Variants in DIPK1A observed in about 807,000 individuals in gnomAD.
DIPK1A encodes divergent protein kinase domain 1A, also known as family with sequence similarity 69 member A.
A neutral mutation model predicts 40.8 loss-of-function variants in DIPK1A; 27 were observed. The observed-to-expected ratio is 0.66, with a 90% CI of 0.49 to 0.91. The LOEUF (loss-of-function observed/expected upper bound fraction) is 0.91. DIPK1A is among the 40% of genes least tolerant of loss of function. The pLI is 0.00. For missense variants in DIPK1A, 412 were observed against 505.7 expected (o/e 0.81, Z 1.78); for synonymous variants, 166 against 171.3 (o/e 0.97, Z 0.24).
At chr1:92,951,191 A>C (rs1479980173) in intron 1 of DIPK1A, among the ~76,000 whole-genome samples, 1 of 152,182 alleles carries the variant, frequency 6.6e-6, no homozygotes, top group Non-Finnish European at 1.5e-5. Flanking sequence ...CAGAGGAGTT[A>C]GTAAGATGAG....
intron 1 of DIPK1A, among the ~76,000 whole-genome samples, chr1:92,960,377 T>C (rs1414454823): frequency 6.6e-6 from 1 of 152,194 alleles, no homozygotes; most frequent in Non-Finnish European, 1.5e-5. Flanking sequence ...CCAAATCATC[T>C]ACCTCTTGGC....
chr1:92,928,422 G>C (rs1650605413), intron 1 of DIPK1A, among the ~76,000 whole-genome samples: 1 of 152,138 alleles, frequency 6.6e-6, no homozygotes, highest in Non-Finnish European at 1.5e-5. Context: ...AAGAAATTAA[G>C]AAAATAATCT....
At chr1:92,853,503 A>G (rs941058579) in intron 2 of DIPK1A, among the ~76,000 whole-genome samples, 7 of 152,208 alleles carry the variant, frequency 4.6e-5, no homozygotes, top group Non-Finnish European at 8.8e-5. Context: ...ACAGTGGTGC[A>G]ATGCCAGCGG....
intron 1 of DIPK1A, among the ~76,000 whole-genome samples, chr1:92,895,788 TAA>T (rs1649136308): frequency 6.6e-6 from 1 of 152,112 alleles, no homozygotes; most frequent in Non-Finnish European, 1.5e-5. Flanking sequence ...CTTAAGCTGA[TAA>T]GCAACTTCAG....
intron 1 of DIPK1A, among the ~76,000 whole-genome samples, chr1:92,948,817 C>T (rs940045646): frequency 6.8e-6 from 1 of 147,230 alleles, no homozygotes; most frequent in African/African-American, 2.5e-5. Context: ...ATATTTTTCC[C>T]CCCTGAGGTG....
At chr1:92,860,627 TAAAAAAAA>T (rs796274250) in intron 2 of DIPK1A, among the ~76,000 whole-genome samples, 1 of 11,068 alleles carries the variant, frequency 9.0e-5, no homozygotes, top group African/African-American at 2.2e-4. Flanking sequence ...CAATTTCTAC[TAAAAAAAA>T]AAAAAAAAAA....
At chr1:92,906,544 A>AAT (rs1479155655) in intron 1 of DIPK1A, among the ~76,000 whole-genome samples, 2 of 152,156 alleles carry the variant, frequency 1.3e-5, no homozygotes, top group African/African-American at 4.8e-5. Flanking sequence ...TCATGGACAA[A>AAT]ATATATATTT....
intron 1 of DIPK1A, among the ~76,000 whole-genome samples, chr1:92,938,188 G>A (rs1460225893): frequency 1.3e-5 from 2 of 152,046 alleles, no homozygotes; most frequent in Non-Finnish European, 2.9e-5. Context: ...AGAAGAATTA[G>A]CCAGGCATGG....
rs190123474 is a variant in DIPK1A at position 92,946,637 on chromosome 1, C to T, written c.54+14739G>A. ...ACCAAGTTAGCAAATATTAACTAAA[C>T]TTGATAAATCAAGAAACAGAGGTAG... On this transcript the variant is annotated intron_variant, in intron 1 of 4. Coordinates refer to ENST00000370310, the MANE Select transcript of DIPK1A (RefSeq NM_001006605.5). Among the ~76,000 whole-genome samples the T allele has an allele frequency of 3.9e-5, 6 of 152,270 alleles. No individual in the cohort carries two copies. In the East Asian group the frequency reaches 9.7e-4, roughly 25 times the overall value.
At chr1:92,908,544 G>C (rs775989436) in intron 1 of DIPK1A, among the ~76,000 whole-genome samples, 4 of 152,192 alleles carry the variant, frequency 2.6e-5, no homozygotes, top group Non-Finnish European at 5.9e-5. Flanking sequence ...AACTTCATGG[G>C]AGAGAAGCCA....
At position 92,843,918 on chromosome 1, in the gene DIPK1A, G is replaced by A; in HGVS notation, c.752C>T (p.Ser251Phe). 3 of 1,551,718 alleles carry A rather than the reference G, an allele frequency of 1.9e-6. No homozygotes were observed. The highest frequency in any genetic ancestry group is 2.0e-5 in the Admixed American group (1 of 50,990). The change falls in exon 5 of 5, where the codon TCT becomes TTT. Residue 251 changes from serine (S) to phenylalanine (F), a missense_variant. Coordinates refer to ENST00000370310, the MANE Select transcript of DIPK1A (RefSeq NM_001006605.5). Reference protein sequence around the residue: ...LPWVIELFIPSGFRRSMDQLF... With the variant: ...LPWVIELFIPFGFRRSMDQLF... ...CTGATCCATGCTTCTTCTGAACCCAGATGGAATAAAAAGTTCAATGACCCA... is the reference window on the plus strand; with the variant it reads ...CTGATCCATGCTTCTTCTGAACCCAAATGGAATAAAAAGTTCAATGACCCA...
chr1:92,836,615 C>T (rs1226391058), intron 4 of DIPK1A: 13 of 551,184 alleles, frequency 2.4e-5, no homozygotes, highest in Non-Finnish European at 3.9e-5. Flanking sequence ...TTTTTCGGGC[C>T]AGTTATTGAA....
At chr1:92,850,352 C>T (rs760866245) in intron 3 of DIPK1A, among the ~76,000 whole-genome samples, 9 of 147,708 alleles carry the variant, frequency 6.1e-5, no homozygotes, top group Admixed American at 1.4e-4. Flanking sequence ...CAAAACAAAA[C>T]AGTGTCTGGA....
At chr1:92,857,326 T>G (rs1016861889) in intron 2 of DIPK1A, among the ~76,000 whole-genome samples, 16 of 151,924 alleles carry the variant, frequency 1.1e-4, no homozygotes, top group Admixed American at 6.6e-4. Context: ...TATTGTTTTT[T>G]TTTTTTTTTT....
At chr1:92,870,519 C>T (rs1292023458) in intron 2 of DIPK1A, among the ~76,000 whole-genome samples, 1 of 152,222 alleles carries the variant, frequency 6.6e-6, no homozygotes, top group East Asian at 1.9e-4. Flanking sequence ...AGCCACTGCG[C>T]CCAGCCTGGA....
intron 1 of DIPK1A, among the ~76,000 whole-genome samples, chr1:92,919,285 T>C (rs1277110619): frequency 2.0e-5 from 3 of 152,158 alleles, no homozygotes; most frequent in South Asian, 2.1e-4. Flanking sequence ...CACCCAAACA[T>C]AAAAGAAATA....
intron 1 of DIPK1A, among the ~76,000 whole-genome samples, chr1:92,925,421 G>A (rs541027499): frequency 3.3e-5 from 5 of 152,260 alleles, no homozygotes; most frequent in Non-Finnish European, 5.9e-5. Flanking sequence ...AGTTTTCTTT[G>A]TAGGAATGTT....
At chr1:92,833,706 TTG>T (rs762712969) in intron 4 of DIPK1A, 107 of 1,497,146 alleles carry the variant, frequency 7.1e-5, no homozygotes, top group Admixed American at 5.0e-5. Flanking sequence ...GCTAGAGAAA[TTG>T]TGCTTGGGAA....
In DIPK1A at chr1:92,863,212, A is replaced by G. The variant is rs546063014; in HGVS notation, c.190-12257T>C. ...GGATACCTCTCATCTCTGTATCCCC[A>G]GGCTCAAGCACAGTGCAGTAAGCAG... On this transcript the variant is annotated intron_variant, in intron 2 of 4. Coordinates refer to ENST00000370310, the MANE Select transcript of DIPK1A (RefSeq NM_001006605.5). Among the ~76,000 whole-genome samples, 3 of 152,314 alleles carry G rather than the reference A, an allele frequency of 2.0e-5. No individual in the cohort carries two copies. In the East Asian group the frequency reaches 5.8e-4, roughly 29 times the overall value.
Sources: allele counts gnomAD v4.1 joint callset (sites outside exome capture counted in the v4.1 genomes callset), GRCh38; gene constraint gnomAD v4.1.1; transcripts MANE v1.5; gene names NCBI Gene and HGNC (gene_info 2026-07-23, HGNC 2026-07-21).